The following ARHGAP40 variants were observed in gnomAD, a reference collection of about 807,000 sequenced individuals.
The protein encoded by ARHGAP40 is rho GTPase-activating protein 40.
In ARHGAP40, 43 loss-of-function variants were observed where a neutral mutation model predicts 73.5. The ratio of observed to expected loss-of-function variants is 0.58; its 90% CI spans 0.46 to 0.75. The LOEUF is 0.75. Among genes scored for constraint, ARHGAP40 ranks in the 30% least tolerant of loss-of-function variants. The probability of loss-of-function intolerance (pLI) is 0.00; values close to 1 mark genes in which losing one functional copy is unlikely to be tolerated. For synonymous variants in ARHGAP40, 300 were observed against 352.8 expected, an observed-to-expected ratio of 0.85 and a Z score of 1.68; for missense variants, 734 against 861.8, an observed-to-expected ratio of 0.85 and a Z score of 1.86.
intron 1 of ARHGAP40, among the ~76,000 whole-genome samples, chr20:38,604,302 T>A (rs2088758066): frequency 6.6e-6 from 1 of 152,114 alleles, no homozygotes; most frequent in Admixed American, 6.6e-5. Context: ...AATGAACAGA[T>A]GAAAAATACT....
chr20:38,615,354 G>A, intron 1 of ARHGAP40: 1 of 761,322 alleles, frequency 1.3e-6, no homozygotes, highest in African/African-American at 1.7e-5. Flanking sequence ...ACTTCCACTG[G>A]TAAACCAGGG....
chr20:38,629,721 C>A, intron 5 of ARHGAP40, 71 bp downstream of exon 5: 1 of 1,240,130 alleles, frequency 8.1e-7, no homozygotes, highest in Non-Finnish European at 1.0e-6. Context: ...CATCTCTTCA[C>A]ACCTTCCACA....
chr20:38,632,042 C>A (rs2145607347), intron 5 of ARHGAP40, among the ~76,000 whole-genome samples: 2 of 152,126 alleles, frequency 1.3e-5, no homozygotes, highest in South Asian at 4.1e-4. Context: ...CGGCTCACTA[C>A]AACCTCCACC....
At position 38,601,911 on chromosome 20, in the gene ARHGAP40, A is replaced by ACGAC. The variant is rs776246908; in HGVS notation, c.-25_-22dup. 5.4e-6 allele frequency: 7 copies of ACGAC among 1,287,236 alleles called. No individual in the cohort carries two copies. In the South Asian group the frequency reaches 8.7e-5, roughly 16 times the overall value. The allele number at this position is 1,287,236 out of a possible 1,614,324, so 79.7% of individuals were successfully genotyped here. ...GAGTCAGCCCCACGGCGGCAGCACC[A>ACGAC]CGACCGACCGGGATCCTCGAGGTGC... On this transcript the variant is annotated 5_prime_UTR_variant, in exon 1 of 15. Transcript: ENST00000373345.
intron 1 of ARHGAP40, among the ~76,000 whole-genome samples, chr20:38,608,726 A>G (rs941438900): frequency 3.3e-5 from 5 of 152,110 alleles, no homozygotes; most frequent in Non-Finnish European, 4.4e-5. Context: ...AAGGGCCACA[A>G]ATTTAGTGGC....
intron 10 of ARHGAP40, among the ~76,000 whole-genome samples, chr20:38,642,912 G>A (rs1039163373): frequency 8.5e-5 from 13 of 152,146 alleles, no homozygotes; most frequent in African/African-American, 3.1e-4. Context: ...AGGCCAAGAC[G>A]GGAGGATCAC....
At chr20:38,617,026 A>G (rs1020182930) in intron 1 of ARHGAP40, among the ~76,000 whole-genome samples, 81 of 151,990 alleles carry the variant, frequency 5.3e-4, no homozygotes, top group African/African-American at 1.8e-3. Flanking sequence ...GCTCACTGCA[A>G]CCTCCACTTC....
At chr20:38,630,248 C>G (rs747620706) in intron 5 of ARHGAP40, among the ~76,000 whole-genome samples, 1 of 136,400 alleles carries the variant, frequency 7.3e-6, no homozygotes, top group Non-Finnish European at 1.5e-5. Context: ...GAGACAAGGT[C>G]TCACTCTGTC....
intron 14 of ARHGAP40, 74 bp from the exon 15 acceptor site, chr20:38,649,683 T>G (rs2089076552): frequency 6.3e-6 from 6 of 947,902 alleles, no homozygotes; most frequent in Non-Finnish European, 7.5e-6. Flanking sequence ...CACTGCCTGG[T>G]GAAGGGCTCT....
chr20:38,646,209 C>G lies in ARHGAP40; in HGVS notation c.1710+22C>G. 2.3e-6 allele frequency: 3 copies of G among 1,291,528 alleles called. No individual in the cohort carries two copies. The highest frequency in any genetic ancestry group is 3.1e-6 in the Non-Finnish European group (3 of 980,848). 80.0% of individuals were successfully genotyped at this position (1,291,528 alleles called of 1,614,324 possible). A position where few individuals can be genotyped will look rare whatever the true frequency, so the allele number is the denominator to read the frequency against. On this transcript the variant is annotated intron_variant, in intron 12 of 14. Transcript: ENST00000373345. This position sits in a 1 kb window ranked among gnomAD's most constrained non-coding sequence, Gnocchi z 4.5. ...GGCGGTGAGTGCCCCCGACCCCAGA[C>G]AGGTGGAGAAGGGCCGAGGCGACAG...
chr20:38,637,144 CT>C (rs11482478), intron 6 of ARHGAP40, among the ~76,000 whole-genome samples: 275 of 145,152 alleles, frequency 1.9e-3, no homozygotes, highest in East Asian at 3.8e-3. Flanking sequence ...CCTTTCAATA[CT>C]TTTTTTTTTT....
intron 6 of ARHGAP40, among the ~76,000 whole-genome samples, chr20:38,637,346 G>A (rs1422287816): frequency 6.6e-6 from 1 of 151,878 alleles, no homozygotes; most frequent in Non-Finnish European, 1.5e-5. Flanking sequence ...ACAGGGTTTC[G>A]CCATGTTGGC....
intron 1 of ARHGAP40, among the ~76,000 whole-genome samples, chr20:38,607,605 C>T (rs978818553): frequency 6.6e-6 from 1 of 152,164 alleles, no homozygotes; most frequent in African/African-American, 2.4e-5. Context: ...GTTAGGCTGC[C>T]GCCCTTCACA....
chr20:38,629,976 G>A (rs768271648), intron 5 of ARHGAP40, among the ~76,000 whole-genome samples: 7 of 151,824 alleles, frequency 4.6e-5, no homozygotes, highest in Non-Finnish European at 1.0e-4. Flanking sequence ...TTAGTGCCTG[G>A]AGTGACAGAG....
intron 1 of ARHGAP40, among the ~76,000 whole-genome samples, chr20:38,616,793 A>G (rs1189399091): frequency 6.6e-6 from 1 of 152,166 alleles, no homozygotes; most frequent in Non-Finnish European, 1.5e-5. Context: ...AGACCTTGTC[A>G]TTGTTAAAAC....
At chr20:38,632,550 C>T (rs148055906) in intron 5 of ARHGAP40, among the ~76,000 whole-genome samples, 2,373 of 152,066 alleles carry the variant, frequency 0.016, 56 homozygotes, top group African/African-American at 0.053. Context: ...CGTGAGCCAC[C>T]GCGCCTGGCC....
intron 9 of ARHGAP40, among the ~76,000 whole-genome samples, chr20:38,640,572 A>G (rs2089012105): frequency 6.6e-6 from 1 of 151,726 alleles, no homozygotes; most frequent in South Asian, 2.1e-4. Flanking sequence ...GCTGTTGCCC[A>G]CCCTCCACAG....
intron 9 of ARHGAP40, among the ~76,000 whole-genome samples, chr20:38,639,753 CAT>C (rs1021726250): frequency 2.6e-5 from 4 of 152,246 alleles, no homozygotes; most frequent in Non-Finnish European, 4.4e-5. Context: ...TGTGGGCACA[CAT>C]GTGTGTGCAT....
rs1204480515 is a variant in ARHGAP40 at position 38,637,819 on chromosome 20, G to C, written c.1041+20G>C. The C allele has an allele frequency of 1.5e-6, 2 of 1,302,376 alleles. No individual in the cohort carries two copies. Among genetic ancestry groups the C allele is most frequent in the Non-Finnish European group, 2.0e-6 (2 of 987,632 alleles). 80.7% of individuals were successfully genotyped at this position (1,302,376 alleles called of 1,614,324 possible). ...CAAGCCGTAAGTCGCCCCTACCCCA[G>C]CTTGGGTTTATTTAATCCTTCAGAG... On this transcript the variant is annotated intron_variant, in intron 7 of 14. Transcript: ENST00000373345.
Sources: gnomAD v4.1 joint callset for allele counts (sites outside exome capture counted in the v4.1 genomes callset) on GRCh38, gnomAD v4.1.1 for gene constraint, Gnocchi (gnomAD v3.1) non-coding constraint, MANE v1.5 for transcripts, NCBI Gene and HGNC (gene_info 2026-07-23, HGNC 2026-07-21) for gene names.